Variants in UVRAG observed in about 807,000 individuals in gnomAD.
UVRAG encodes the protein UV radiation resistance associated.
A neutral mutation model predicts 78.0 loss-of-function variants in UVRAG; 19 were observed. The observed-to-expected ratio is 0.24, with a 90% confidence interval of 0.17 to 0.36. The LOEUF (loss-of-function observed/expected upper bound fraction) is 0.36, where lower values mean the gene tolerates loss of function less well. Ranked by LOEUF, UVRAG falls within the 10% of genes least tolerant of loss-of-function variation. UVRAG has a pLI of 1.00. For synonymous variants in UVRAG, 323 were observed against 324.6 expected (o/e 1.00, Z 0.05); for missense variants, 740 against 853.8 (o/e 0.87, Z 1.66).
chr11:75,911,421 C>T (rs1947734627), intron 5 of UVRAG: 2 of 161,058 alleles, frequency 1.2e-5, no homozygotes, highest in Non-Finnish European at 2.8e-5. Flanking sequence ...GGCACCTCTC[C>T]TTGGTGCTGT....
intron 13 of UVRAG, among the ~76,000 whole-genome samples, chr11:76,086,688 T>TCG (rs1951593906): frequency 6.6e-6 from 1 of 152,254 alleles, no homozygotes; most frequent in African/African-American, 2.4e-5. Context: ...GATCATATTT[T>TCG]ATCATAAGCA....
chr11:76,022,543 TA>T (rs1950264694), intron 12 of UVRAG, among the ~76,000 whole-genome samples: 1 of 152,228 alleles, frequency 6.6e-6, no homozygotes, highest in African/African-American at 2.4e-5. Context: ...TTGCCTCTTA[TA>T]ACAACTTTTG....
At chr11:76,122,019 G>C (rs1256602008) in intron 14 of UVRAG, among the ~76,000 whole-genome samples, 1 of 152,166 alleles carries the variant, frequency 6.6e-6, no homozygotes, top group East Asian at 1.9e-4. Flanking sequence ...GGCTAGAGAA[G>C]GGAATGAAGA....
chr11:75,878,679 G>A (rs534156417), intron 3 of UVRAG, among the ~76,000 whole-genome samples: 4 of 152,150 alleles, frequency 2.6e-5, no homozygotes, highest in African/African-American at 9.7e-5. Context: ...GCTAACACAG[G>A]GAAACCCAGT....
At chr11:75,927,300 A>G (rs1031741169) in intron 6 of UVRAG, among the ~76,000 whole-genome samples, 1 of 151,928 alleles carries the variant, frequency 6.6e-6, no homozygotes, top group Non-Finnish European at 1.5e-5. Flanking sequence ...TTAACTTCTG[A>G]CCTGGTGATC....
At chr11:75,955,186 A>G (rs1365529088) in intron 6 of UVRAG, among the ~76,000 whole-genome samples, 1 of 152,186 alleles carries the variant, frequency 6.6e-6, no homozygotes, top group Admixed American at 6.5e-5. Context: ...ATTACTGTCA[A>G]TGTAGATTAA....
intron 6 of UVRAG, among the ~76,000 whole-genome samples, chr11:75,930,034 A>G (rs1377773712): frequency 6.6e-6 from 1 of 152,150 alleles, no homozygotes; most frequent in Non-Finnish European, 1.5e-5. Context: ...ATACCTCCTT[A>G]TCTCCTCAAT....
chr11:75,999,378 G>A (rs1024451677), intron 8 of UVRAG, among the ~76,000 whole-genome samples: 1 of 146,230 alleles, frequency 6.8e-6, no homozygotes, highest in East Asian at 1.9e-4. Flanking sequence ...TTGTTTTTTT[G>A]TTTGTTTATT....
At chr11:76,076,116 G>A (rs546641704) in intron 13 of UVRAG, among the ~76,000 whole-genome samples, 2 of 152,258 alleles carry the variant, frequency 1.3e-5, no homozygotes, top group Admixed American at 6.5e-5. Context: ...ACCTAGGAGT[G>A]GAATTGCTGA....
At chr11:76,024,341 G>T (rs1319773328) in intron 12 of UVRAG, among the ~76,000 whole-genome samples, 1 of 152,148 alleles carries the variant, frequency 6.6e-6, no homozygotes, top group Admixed American at 6.5e-5. Context: ...TTTCTCGAGT[G>T]ATCTGGTAAG....
At chr11:75,826,198 T>A (rs1318954249) in intron 1 of UVRAG, among the ~76,000 whole-genome samples, 12 of 149,968 alleles carry the variant, frequency 8.0e-5, no homozygotes, top group Admixed American at 8.0e-4. Context: ...GCTCTGTCGC[T>A]AGGCTGGAGT....
chr11:75,919,481 T>TTTGTGG (rs58923192), intron 6 of UVRAG, among the ~76,000 whole-genome samples: 5,667 of 152,288 alleles, frequency 0.037, 337 homozygotes, highest in African/African-American at 0.13. Context: ...GTTTGCTCTG[T>TTTGTGG]TATACTCTTT....
chr11:76,095,064 T>A (rs995621736), intron 13 of UVRAG, among the ~76,000 whole-genome samples: 1 of 152,220 alleles, frequency 6.6e-6, no homozygotes, highest in Non-Finnish European at 1.5e-5. Flanking sequence ...TTCAGTAAAG[T>A]GCCTTTGCCC....
rs1952764827 is a variant in UVRAG at position 76,143,931 on chromosome 11, CTTTT to C, written c.*2519_*2522del. Among the ~76,000 whole-genome samples the C allele has an allele frequency of 6.6e-6, 1 of 152,212 alleles. No homozygotes were observed. Among genetic ancestry groups the C allele is most frequent in the Non-Finnish European group, 1.5e-5 (1 of 68,026 alleles). Reference sequence around the variant, plus strand: ...TTTCAGTTTTCTTACAGCTGAGACACTTTTAAACAGCGGGCAAATGTTATCAAAT... The same window carrying C: ...TTTCAGTTTTCTTACAGCTGAGACACAAACAGCGGGCAAATGTTATCAAAT... On this transcript the variant is annotated 3_prime_UTR_variant, in exon 15 of 15. Coordinates refer to ENST00000356136, the MANE Select transcript of UVRAG (RefSeq NM_003369.4).
At chr11:76,000,443 C>CA (rs1242312562) in intron 8 of UVRAG, among the ~76,000 whole-genome samples, 1 of 151,612 alleles carries the variant, frequency 6.6e-6, no homozygotes, top group Non-Finnish European at 1.5e-5. Flanking sequence ...TCAACACACA[C>CA]AAAAAAACTT....
At chr11:75,961,597 A>G (rs768001012) in intron 7 of UVRAG, 48 bp downstream of exon 7, 1 of 1,428,674 alleles carries the variant, frequency 7.0e-7, no homozygotes, top group East Asian at 2.4e-5. Flanking sequence ...TTTCTAAAGG[A>G]GAGTATCATA....
At chr11:75,875,199 A>T (rs1946739513) in intron 3 of UVRAG, among the ~76,000 whole-genome samples, 1 of 152,324 alleles carries the variant, frequency 6.6e-6, no homozygotes, top group South Asian at 2.1e-4. Flanking sequence ...TCTTATAGGT[A>T]CCATTTATTT....
At chr11:75,886,788 T>C (rs1305355631) in intron 4 of UVRAG, among the ~76,000 whole-genome samples, 1 of 152,188 alleles carries the variant, frequency 6.6e-6, no homozygotes, top group East Asian at 1.9e-4. Flanking sequence ...AGAGATTCTG[T>C]TCTGGTAGTC....
chr11:75,853,486 A>G (rs1297985328), intron 2 of UVRAG, among the ~76,000 whole-genome samples: 1 of 149,638 alleles, frequency 6.7e-6, no homozygotes, highest in Non-Finnish European at 1.5e-5. Context: ...TCAGCCTCCC[A>G]ATTAGCTGGG....
Sources: gnomAD v4.1 joint callset for allele counts (sites outside exome capture counted in the v4.1 genomes callset) on GRCh38, gnomAD v4.1.1 for gene constraint, MANE v1.5 for transcripts, NCBI Gene and HGNC (gene_info 2026-07-23, HGNC 2026-07-21) for gene names.